LRP1: variants seen among roughly 807,000 people sequenced by gnomAD.
LRP1 encodes prolow-density lipoprotein receptor-related protein 1.
In LRP1, 51 loss-of-function variants were observed where a neutral mutation model predicts 541.5. The observed-to-expected ratio is 0.09, with a 90% CI of 0.08 to 0.12. The LOEUF is 0.12. Among genes scored for constraint, LRP1 ranks in the 10% least tolerant of loss-of-function variants. The probability of loss-of-function intolerance (pLI) is 1.00; values close to 1 mark genes in which losing one functional copy is unlikely to be tolerated. For missense variants in LRP1, 3,878 were observed against 6,376.2 expected (o/e 0.61, Z 13.34); for synonymous variants, 2,219 against 2,470.8 (o/e 0.90, Z 3.02).
In LRP1 at chr12:57,176,006, C is replaced by T. The variant is rs760592760; in HGVS notation, c.3891C>T (p.Arg1297=). ...GDYSVLVPGL[R]NTIALDFHLS... Reference sequence around the variant, plus strand: ...ACAGCGTCCTGGTGCCCGGCCTGCGCAACACCATCGCCCTGGACTTCCACC... The same window carrying T: ...ACAGCGTCCTGGTGCCCGGCCTGCGTAACACCATCGCCCTGGACTTCCACC... Residue 1297 remains arginine (R), a synonymous_variant, in exon 24 of 89, where the codon CGC becomes CGT. Transcript: ENST00000243077. 6.2e-7 allele frequency: 1 copy of T among 1,614,236 alleles called. No individual in the cohort carries two copies. Among genetic ancestry groups the T allele is most frequent in the South Asian group, 1.1e-5 (1 of 91,090 alleles).
intron 42 of LRP1, among the ~76,000 whole-genome samples, 170 bp downstream of exon 42, chr12:57,187,626 G>C (rs986154586): frequency 6.6e-6 from 1 of 152,168 alleles, no homozygotes; most frequent in Admixed American, 6.5e-5. Flanking sequence ...TAAGCTTCAG[G>C]TTCCTCTTCT....
chr12:57,175,044 G>A (rs35599705), intron 22 of LRP1, among the ~76,000 whole-genome samples: 1,916 of 152,230 alleles, frequency 0.013, 41 homozygotes, highest in African/African-American at 0.043. Context: ...TATAGGCCCT[G>A]CTGCACCCCA....
intron 15 of LRP1, chr12:57,164,841 GGGCGTT>G (rs1353005654): frequency 6.6e-6 from 1 of 152,282 alleles, no homozygotes; most frequent in Non-Finnish European, 1.5e-5. Context: ...GGTCAGGAGA[GGGCGTT>G]GGCTGAGAGG....
Position 57,184,813 on chromosome 12 carries a change from G to T in LRP1, c.6187-26G>T. 1 of 1,601,366 alleles carries T rather than the reference G, an allele frequency of 6.2e-7. No homozygotes were observed. The highest frequency in any genetic ancestry group is 8.5e-7 in the Non-Finnish European group (1 of 1,170,632). On this transcript the variant is annotated intron_variant, in intron 38 of 88. Coordinates refer to ENST00000243077, the MANE Select transcript of LRP1 (RefSeq NM_002332.3). The surrounding 1 kb of genome is among the most constrained non-coding windows in gnomAD (Gnocchi z 7.8). ...GCTGGCAGCGAGCTCAGCCCTGGAG[G>T]TGAGGTGGGTGCCTCTGGCCTGTAG...
intron 41 of LRP1, 150 bp from the exon 42 acceptor site, chr12:57,187,117 C>T (rs546915621): frequency 1.4e-5 from 10 of 719,630 alleles, no homozygotes; most frequent in African/African-American, 5.4e-5. Flanking sequence ...CTGGTGCCCC[C>T]GAGCCCTCTC....
rs1231942981 is a variant in LRP1 at position 57,175,922 on chromosome 12, G to A, written c.3807G>A (p.Pro1269=). Residue 1269 remains proline, a synonymous_variant, in exon 24 of 89, where the codon CCG becomes CCA. Transcript: ENST00000243077. Reference sequence around the variant, plus strand: ...CTCCCATCCCAGACCCCTTCAAGCCGTTCATCATTTTCTCCAACCGCCATG... The same window carrying A: ...CTCCCATCCCAGACCCCTTCAAGCCATTCATCATTTTCTCCAACCGCCATG... ...ESCRSLDPFK[P]FIIFSNRHEI... 9 of 1,613,986 alleles carry A rather than the reference G, an allele frequency of 5.6e-6. No individual in the cohort carries two copies. The highest frequency in any genetic ancestry group is 5.3e-5 in the African/African-American group (4 of 74,924).
In LRP1 at chr12:57,211,295, C is replaced by T. The variant is rs377314133; in HGVS notation, c.13036C>T (p.Arg4346Cys). The T allele has an allele frequency of 1.9e-6, 3 of 1,614,078 alleles. No individual in the cohort carries two copies. The highest frequency in any genetic ancestry group is 2.5e-6 in the Non-Finnish European group (3 of 1,180,050). ...GAGGTGTGAGGTGAACAAGTGCAGC[C>T]GCTGTCTCGAAGGGGCCTGTGTGGT... is the stretch of plus-strand genomic sequence containing the variant. ...GSRCEVNKCS[R>C]CLEGACVVNK... The change falls in exon 84 of 89, where the codon CGC (arginine) becomes TGC (cysteine). Residue 4346 changes from arginine to cysteine, a missense_variant. Transcript: ENST00000243077. The surrounding 1 kb of genome is among the most constrained non-coding windows in gnomAD (Gnocchi z 4.3).
intron 48 of LRP1, 72 bp from the exon 49 acceptor site, chr12:57,194,282 G>GGGCT: frequency 6.8e-7 from 1 of 1,480,214 alleles, no homozygotes; most frequent in Non-Finnish European, 9.0e-7. Context: ...AGGCTCCATA[G>GGGCT]GGCTGGCAGC....
chr12:57,136,124 C>A (rs931739856), intron 1 of LRP1, among the ~76,000 whole-genome samples: 1 of 152,220 alleles, frequency 6.6e-6, no homozygotes, highest in Non-Finnish European at 1.5e-5. Context: ...ACTAGGCTGG[C>A]GGGCTGTGTT....
chr12:57,196,186 C>G lies in LRP1; in HGVS notation c.8801C>G (p.Ser2934Trp), dbSNP rs201465531. The G allele has an allele frequency of 6.2e-7, 1 of 1,612,564 alleles. No homozygotes were observed. The highest frequency in any genetic ancestry group is 8.5e-7 in the Non-Finnish European group (1 of 1,179,478). The change falls in exon 55 of 89, where the codon TCG (serine) becomes TGG (tryptophan). Residue 2934 changes from serine to tryptophan, a missense_variant. By Grantham distance (177) the Ser-to-Trp change is radical. Transcript: ENST00000243077. The stretch of plus-strand genomic sequence containing the variant: ...GGCCAGGATGACTGTGGCGACAGCT[C>G]GGACGAGCGTGGCTGCCACATCAAT... ...CNGQDDCGDS[S>W]DERGCHINEC...
intron 1 of LRP1, among the ~76,000 whole-genome samples, chr12:57,133,711 C>T (rs1195745053): frequency 6.6e-6 from 1 of 150,616 alleles, no homozygotes; most frequent in Non-Finnish European, 1.5e-5. Context: ...GAGAACCCCC[C>T]TCTCACCTAG....
chr12:57,212,570 G>C lies in LRP1; in HGVS notation c.*15G>C, dbSNP rs564301873. On this transcript the variant is annotated 3_prime_UTR_variant, in exon 89 of 89. Transcript: ENST00000243077. This position sits in a 1 kb window ranked among gnomAD's most constrained non-coding sequence, Gnocchi z 5.0. ...CCTTGGCATAGGGCCCTGCCCCGTCGGACTGCCCCCAGAAAGCCTCCTGCC... is the reference window on the plus strand; with the variant it reads ...CCTTGGCATAGGGCCCTGCCCCGTCCGACTGCCCCCAGAAAGCCTCCTGCC... 7.7e-6 allele frequency: 12 copies of C among 1,563,722 alleles called. No individual in the cohort carries two copies. The highest frequency in any genetic ancestry group is 1.0e-5 in the Non-Finnish European group (12 of 1,153,978).
Position 57,177,618 on chromosome 12 carries a change from G to T in LRP1, c.4361+27G>T. 2 of 1,611,958 alleles carry T rather than the reference G, an allele frequency of 1.2e-6. No individual in the cohort carries two copies. The highest frequency in any genetic ancestry group is 1.7e-6 in the Non-Finnish European group (2 of 1,179,162). On this transcript the variant is annotated intron_variant, in intron 26 of 88. Coordinates refer to ENST00000243077, the MANE Select transcript of LRP1 (RefSeq NM_002332.3). This position sits in a 1 kb window ranked among gnomAD's most constrained non-coding sequence, Gnocchi z 6.8. ...TCAGCACCCTCTGTGCCCTGAGAAG[G>T]CCCAAGTCTGTGGCACCAGGACGGG...
Position 57,181,288 on chromosome 12 carries a change from G to A in LRP1, c.5659G>A (p.Glu1887Lys), listed in dbSNP as rs1481418788. The change falls in exon 34 of 89, where the codon GAG becomes AAG. Residue 1887 changes from glutamate to lysine, a missense_variant. By Grantham distance (56) the Glu-to-Lys change is moderately conservative. Around this residue, in one of 13 missense-constraint regions of LRP1, gnomAD observed 394 missense variants for 635.9 expected, o/e 0.62. Coordinates refer to ENST00000243077, the MANE Select transcript of LRP1 (RefSeq NM_002332.3). ...YSLRSGQQAC[E>K]GVGSFLLYSV... ...CCTCCGGAGTGGCCAGCAGGCCTGC[G>A]AGGGTCAGTGCCTGGCTTTCCTCCC... The A allele has an allele frequency of 5.0e-6, 8 of 1,610,954 alleles. No homozygotes were observed. In the Admixed American group the frequency reaches 5.0e-5, roughly 10 times the overall value.
In LRP1 at chr12:57,199,655, G is replaced by A. The variant is rs148721255; in HGVS notation, c.9866-222G>A. Among the ~76,000 whole-genome samples, 20 of 152,302 alleles carry A rather than the reference G, an allele frequency of 1.3e-4. 1 individual carries two copies. In the East Asian group the frequency reaches 3.9e-3, roughly 29 times the overall value. ...CTGGGTGCCCAGCCCCCAGAAGGAA[G>A]GCAGGCCGGCCCCTGGGAGGGAAGC... On this transcript the variant is annotated intron_variant, in intron 61 of 88. Transcript: ENST00000243077.
At chr12:57,200,420 C>G in intron 62 of LRP1, 22 bp from the exon 63 acceptor site, 1 of 1,366,662 alleles carries the variant, frequency 7.3e-7, no homozygotes, top group Non-Finnish European at 1.0e-6. Flanking sequence ...ACCAACCCCT[C>G]TTGCCCCCAC....
intron 13 of LRP1, among the ~76,000 whole-genome samples, chr12:57,161,610 C>T (rs936989997): frequency 2.0e-5 from 3 of 152,082 alleles, no homozygotes; most frequent in Non-Finnish European, 4.4e-5. Context: ...TCTCTTTTCT[C>T]CCCACTTCCT....
chr12:57,154,754 C>G lies in LRP1; in HGVS notation c.1227+53C>G. On this transcript the variant is annotated intron_variant, in intron 8 of 88. Transcript: ENST00000243077. This position sits in a 1 kb window ranked among gnomAD's most constrained non-coding sequence, Gnocchi z 4.6. ...TGGGGGAACCATGATCCAGGGCCTTCTGGTGAGGGGGGAAGCCTCTGTAGG... is the reference window on the plus strand; with the variant it reads ...TGGGGGAACCATGATCCAGGGCCTTGTGGTGAGGGGGGAAGCCTCTGTAGG... The G allele has an allele frequency of 6.7e-7, 1 of 1,492,384 alleles. No individual in the cohort carries two copies. Among genetic ancestry groups the G allele is most frequent in the Middle Eastern group, 1.7e-4 (1 of 5,898 alleles). 92.4% of individuals were successfully genotyped at this position (1,492,384 alleles called of 1,614,324 possible).
Position 57,184,365 on chromosome 12 carries a change from T to C in LRP1, c.6099T>C (p.Ile2033=). 1 of 1,614,240 alleles carries C rather than the reference T, an allele frequency of 6.2e-7. No individual in the cohort carries two copies. The highest frequency in any genetic ancestry group is 8.5e-7 in the Non-Finnish European group (1 of 1,180,036). Residue 2033 remains isoleucine (I), a synonymous_variant, in exon 38 of 89, where the codon ATT becomes ATC. Transcript: ENST00000243077. This position sits in a 1 kb window ranked among gnomAD's most constrained non-coding sequence, Gnocchi z 7.8. The part of the protein sequence containing the change: ...FWTEWGQYPR[I]ERSRLDGTER... ...CTGAGTGGGGTCAGTATCCGCGTATTGAGCGGTCTCGGCTAGATGGCACGG... is the reference window on the plus strand; with the variant it reads ...CTGAGTGGGGTCAGTATCCGCGTATCGAGCGGTCTCGGCTAGATGGCACGG...
Sources: allele counts gnomAD v4.1 joint callset (sites outside exome capture counted in the v4.1 genomes callset), GRCh38; gene constraint gnomAD v4.1.1; regional missense constraint gnomAD v4.1.1; non-coding constraint Gnocchi (gnomAD v3.1); transcripts MANE v1.5; gene names NCBI Gene and HGNC (gene_info 2026-07-23, HGNC 2026-07-21).